Variants in FBXL19 observed in about 807,000 individuals in gnomAD.
FBXL19 encodes F-box and leucine rich repeat protein 19.
A neutral mutation model predicts 71.2 loss-of-function variants in FBXL19; 16 were observed. The observed-to-expected ratio is 0.22, with a 90% CI of 0.15 to 0.34. The LOEUF (loss-of-function observed/expected upper bound fraction) is 0.34, where lower values mean the gene tolerates loss of function less well. Ranked by LOEUF, FBXL19 falls within the 10% of genes least tolerant of loss-of-function variation. The pLI is 1.00. For synonymous variants in FBXL19, 447 were observed against 409.4 expected (o/e 1.09, Z -1.11); for missense variants, 658 against 968.2 (o/e 0.68, Z 4.25).
rs1394467110 is a variant in FBXL19, at chr16:30,924,102, G to A, written c.-382G>A. 6.6e-6 allele frequency: 1 copy of A among 151,646 alleles called. No homozygotes were observed. Among genetic ancestry groups the A allele is most frequent in the African/African-American group, 2.4e-5 (1 of 41,346 alleles). 9.4% of individuals were successfully genotyped at this position (151,646 alleles called of 1,614,324 possible). Reference sequence around the variant, plus strand: ...GAGAGGCGGGGCGGGGTGGGGGGAGGGGAGCTGGGACTCGGACCCGGGACT... The same window carrying A: ...GAGAGGCGGGGCGGGGTGGGGGGAGAGGAGCTGGGACTCGGACCCGGGACT... On this transcript the variant is annotated 5_prime_UTR_variant, in exon 1 of 11. Transcript: ENST00000338343.
chr16:30,924,503 C>T, intron 1 of FBXL19, 44 bp downstream of exon 1: 2 of 740,678 alleles, frequency 2.7e-6, no homozygotes, highest in South Asian at 3.3e-5. Flanking sequence ...CTGGGCAGCG[C>T]CCACTCCCAT....
intron 6 of FBXL19, 80 bp from the exon 7 acceptor site, chr16:30,929,993 C>A (rs893343941): frequency 2.0e-6 from 3 of 1,528,990 alleles, no homozygotes; most frequent in Non-Finnish European, 2.6e-6. Flanking sequence ...GGCTGTTCAT[C>A]CCCTGGTGAC....
chr16:30,942,523 A>G lies in FBXL19; in HGVS notation c.1614A>G (p.Pro538=), dbSNP rs1437437812. ...SQLRELLLPP[P]DTKPGQTESR... ...TCCGGGAGTTGCTGCTGCCTCCACC[A>G]GACACCAAACCAGGTGCAACCTCTG... The change falls in exon 9 of 11, where the codon CCA becomes CCG. Residue 538 remains proline (P), a synonymous_variant. Coordinates refer to ENST00000338343, the MANE Select transcript of FBXL19 (RefSeq NM_001382779.1). This position sits in a 1 kb window ranked among gnomAD's most constrained non-coding sequence, Gnocchi z 5.7. 1.3e-6 allele frequency: 2 copies of G among 1,590,642 alleles called. No homozygotes were observed. The highest frequency in any genetic ancestry group is 1.7e-6 in the Non-Finnish European group (2 of 1,168,598).
rs1304891122 is a variant in FBXL19 at position 30,948,458 on chromosome 16, G to C, written c.*1228G>C. 1.3e-5 allele frequency: 2 copies of C among 152,422 alleles called. No individual in the cohort carries two copies. Among genetic ancestry groups the C allele is most frequent in the African/African-American group, 2.4e-5 (1 of 41,452 alleles). The allele number at this position is 152,422 out of a possible 1,614,324, so 9.4% of individuals were successfully genotyped here. On this transcript the variant is annotated 3_prime_UTR_variant, in exon 11 of 11. Coordinates refer to ENST00000338343, the MANE Select transcript of FBXL19 (RefSeq NM_001382779.1). The stretch of plus-strand genomic sequence containing the variant: ...CTGCCCCTTCCTCGAGCGCGGGGTG[G>C]GGCTTCGGGACCCCGGGGATGAGCC...
chr16:30,944,291 A>G (rs1865184800), intron 9 of FBXL19, among the ~76,000 whole-genome samples: 1 of 144,544 alleles, frequency 6.9e-6, no homozygotes, highest in African/African-American at 2.6e-5. Context: ...TGTTGTACCG[A>G]TTATTTCATC....
In FBXL19 at chr16:30,947,240, C is replaced by T; in HGVS notation, c.*10C>T. Reference sequence around the variant, plus strand: ...TCTCAAGGACAGCTAGTTGGGCGCCCCCCACCCTCCCCCGGACTCGACAGG... The same window carrying T: ...TCTCAAGGACAGCTAGTTGGGCGCCTCCCACCCTCCCCCGGACTCGACAGG... On this transcript the variant is annotated 3_prime_UTR_variant, in exon 11 of 11. Transcript: ENST00000338343. 6.4e-7 allele frequency: 1 copy of T among 1,560,734 alleles called. No individual in the cohort carries two copies. The highest frequency in any genetic ancestry group is 8.6e-7 in the Non-Finnish European group (1 of 1,158,000).
In FBXL19 at chr16:30,930,678, C is replaced by G; in HGVS notation, c.1301+94C>G. The G allele has an allele frequency of 7.7e-7, 1 of 1,301,680 alleles. No homozygotes were observed. Among genetic ancestry groups the G allele is most frequent in the Middle Eastern group, 1.9e-4 (1 of 5,142 alleles). The allele number at this position is 1,301,680 out of a possible 1,614,324, so 80.6% of individuals were successfully genotyped here. A position where few individuals can be genotyped will look rare whatever the true frequency, so the allele number is the denominator to read the frequency against. On this transcript the variant is annotated intron_variant, in intron 7 of 10. Coordinates refer to ENST00000338343, the MANE Select transcript of FBXL19 (RefSeq NM_001382779.1). The surrounding 1 kb of genome is among the most constrained non-coding windows in gnomAD (Gnocchi z 8.5). Reference sequence around the variant, plus strand: ...GGTCTCTGGCCCTCTCTGGGCCTTGCTTTTATATTGGGGATACTTCTCTAG... The same window carrying G: ...GGTCTCTGGCCCTCTCTGGGCCTTGGTTTTATATTGGGGATACTTCTCTAG...
intron 1 of FBXL19, 91 bp downstream of exon 1, chr16:30,924,550 C>G: frequency 7.7e-7 from 1 of 1,302,342 alleles, no homozygotes; most frequent in Non-Finnish European, 9.8e-7. Flanking sequence ...CTTCCCCGCC[C>G]CCAGCCTCAC....
At chr16:30,928,428 G>A (rs1299336972) in intron 5 of FBXL19, 39 bp from the exon 6 acceptor site, 1 of 1,508,890 alleles carries the variant, frequency 6.6e-7, no homozygotes, top group Non-Finnish European at 8.9e-7. Flanking sequence ...GCCTAATGGG[G>A]TCTCTCCCTT....
intron 7 of FBXL19, among the ~76,000 whole-genome samples, chr16:30,932,776 C>G (rs1051283102): frequency 1.3e-5 from 2 of 151,598 alleles, no homozygotes; most frequent in Non-Finnish European, 2.9e-5. Context: ...CAGGACCACT[C>G]AGGAGGCTCT....
At chr16:30,938,802 A>C (rs149547346) in intron 7 of FBXL19, among the ~76,000 whole-genome samples, 1 of 151,588 alleles carries the variant, frequency 6.6e-6, no homozygotes, top group African/African-American at 2.4e-5. Flanking sequence ...ACGCCCGGCT[A>C]ATCTTTTGTA....
intron 9 of FBXL19, among the ~76,000 whole-genome samples, chr16:30,943,681 C>G (rs576645896): frequency 6.6e-6 from 1 of 152,104 alleles, no homozygotes; most frequent in East Asian, 1.9e-4. Flanking sequence ...GCCTGTAATT[C>G]TTATAGAAAC....
At chr16:30,933,973 G>C (rs182301140) in intron 7 of FBXL19, among the ~76,000 whole-genome samples, 1 of 151,104 alleles carries the variant, frequency 6.6e-6, no homozygotes, top group African/African-American at 2.4e-5. Context: ...GGCTGGTCTC[G>C]AACTCCTGAC....
chr16:30,943,557 G>A (rs2055825531), intron 9 of FBXL19, among the ~76,000 whole-genome samples: 1 of 151,722 alleles, frequency 6.6e-6, no homozygotes, highest in Non-Finnish European at 1.5e-5. Flanking sequence ...TGTATTTTTA[G>A]TAGAGACGGG....
chr16:30,940,150 C>A (rs1407430472), intron 7 of FBXL19, among the ~76,000 whole-genome samples: 1 of 151,966 alleles, frequency 6.6e-6, no homozygotes, highest in Non-Finnish European at 1.5e-5. Flanking sequence ...CCCAGCTACT[C>A]TGGAGGCTGA....
Position 30,946,681 on chromosome 16 carries a change from G to T in FBXL19, c.1628-49G>T, listed in dbSNP as rs374948126. 6 of 1,541,216 alleles carry T rather than the reference G, an allele frequency of 3.9e-6. No homozygotes were observed. The African/African-American group carries it at 8.2e-5, about 21-fold the overall frequency. On this transcript the variant is annotated intron_variant, in intron 9 of 10. Coordinates refer to ENST00000338343, the MANE Select transcript of FBXL19 (RefSeq NM_001382779.1). This position sits in a 1 kb window ranked among gnomAD's most constrained non-coding sequence, Gnocchi z 6.7. ...GGGCAGATGGTCTGGATACCTGGGC[G>T]CAGGGATGGGAGTGGCCAGGAGTGC...
Position 30,923,754 on chromosome 16 carries a change from A to G in FBXL19, c.-730A>G, listed in dbSNP as rs1359334494. Among the ~76,000 whole-genome samples, 3 of 148,634 alleles carry G rather than the reference A, an allele frequency of 2.0e-5. No homozygotes were observed. The highest frequency in any genetic ancestry group is 7.5e-5 in the African/African-American group (3 of 40,156). On this transcript the variant is annotated 5_prime_UTR_variant, in exon 1 of 11. Transcript: ENST00000338343. ...CCGCTTGAGGAGGGGGATTTATTCA[A>G]ATTTTATTTAAATCCCTATCTCCCG...
chr16:30,927,972 C>G lies in FBXL19; in HGVS notation c.627+9C>G. On this transcript the variant is annotated intron_variant, in intron 5 of 10. Coordinates refer to ENST00000338343, the MANE Select transcript of FBXL19 (RefSeq NM_001382779.1). ...CCACCCCAAGGAAAAAGGTGAGCCACGGAGCACGCTCACTAGGCTTGTCCT... is the reference window on the plus strand; with the variant it reads ...CCACCCCAAGGAAAAAGGTGAGCCAGGGAGCACGCTCACTAGGCTTGTCCT... The G allele has an allele frequency of 2.7e-6, 4 of 1,481,842 alleles. No individual in the cohort carries two copies. Among genetic ancestry groups the G allele is most frequent in the Admixed American group, 2.5e-5 (1 of 39,314 alleles). The allele number at this position is 1,481,842 out of a possible 1,614,324, so 91.8% of individuals were successfully genotyped here.
At chr16:30,931,729 AT>A (rs995367148) in intron 7 of FBXL19, among the ~76,000 whole-genome samples, 1 of 151,686 alleles carries the variant, frequency 6.6e-6, no homozygotes, top group African/African-American at 2.4e-5. Flanking sequence ...GAATCTTTTT[AT>A]TTTTATTTTT....
Sources: allele counts gnomAD v4.1 joint callset (sites outside exome capture counted in the v4.1 genomes callset), GRCh38; gene constraint gnomAD v4.1.1; non-coding constraint Gnocchi (gnomAD v3.1); transcripts MANE v1.5; gene names NCBI Gene and HGNC (gene_info 2026-07-23, HGNC 2026-07-21).